The following COMMD10 variants were observed in gnomAD, a reference collection of about 807,000 sequenced individuals.
COMMD10 encodes the protein COMM domain containing 10, also known as COMM domain-containing protein 10.
In COMMD10, 33 loss-of-function variants were observed where a neutral mutation model predicts 28.9. The observed-to-expected ratio is 1.14, with a 90% CI of 0.87 to 1.53. The LOEUF (loss-of-function observed/expected upper bound fraction) is 1.53. COMMD10 is among the 40% of genes most tolerant of loss of function. COMMD10 has a pLI of 0.00. For synonymous variants in COMMD10, 110 were observed against 81.7 expected (o/e 1.35, Z -1.87); for missense variants, 310 against 233.4 (o/e 1.33, Z -2.14).
chr5:116,135,795 C>T (rs1373809117), intron 5 of COMMD10, among the ~76,000 whole-genome samples: 1 of 152,118 alleles, frequency 6.6e-6, no homozygotes, highest in Non-Finnish European at 1.5e-5. Flanking sequence ...TGGTTTCAGG[C>T]CTCCACTGGG....
chr5:116,272,995 A>G (rs540356456), intron 5 of COMMD10, among the ~76,000 whole-genome samples: 1 of 151,678 alleles, frequency 6.6e-6, no homozygotes, highest in Non-Finnish European at 1.5e-5. Flanking sequence ...GAAACTGCTC[A>G]TTTCTTTTGG....
intron 5 of COMMD10, among the ~76,000 whole-genome samples, chr5:116,250,742 G>A (rs567453716): frequency 4.0e-4 from 61 of 152,046 alleles, no homozygotes; most frequent in African/African-American, 1.4e-3. Context: ...ACCTTGGAGA[G>A]TCTCTCTTCT....
At chr5:116,258,505 G>A (rs1382668034) in intron 5 of COMMD10, among the ~76,000 whole-genome samples, 2 of 151,186 alleles carry the variant, frequency 1.3e-5, no homozygotes, top group East Asian at 3.9e-4. Flanking sequence ...TGTATCTGAA[G>A]GTATTAAACT....
At chr5:116,266,795 C>T (rs981098849) in intron 5 of COMMD10, among the ~76,000 whole-genome samples, 7 of 151,688 alleles carry the variant, frequency 4.6e-5, no homozygotes, top group Non-Finnish European at 8.8e-5. Flanking sequence ...GTTCAACATA[C>T]GCAAATCAAT....
chr5:116,150,519 C>A (rs1366304752), intron 5 of COMMD10, among the ~76,000 whole-genome samples: 1 of 148,336 alleles, frequency 6.7e-6, no homozygotes, highest in Non-Finnish European at 1.5e-5. Context: ...TGTTTGTATC[C>A]TCTTTTATTT....
At chr5:116,268,324 T>A (rs250325) in intron 5 of COMMD10, among the ~76,000 whole-genome samples, 1 of 151,790 alleles carries the variant, frequency 6.6e-6, no homozygotes, top group Non-Finnish European at 1.5e-5. Context: ...AGAAGACATT[T>A]ATGCAGCCAA....
intron 5 of COMMD10, among the ~76,000 whole-genome samples, chr5:116,208,475 A>T (rs1417658606): frequency 1.3e-5 from 2 of 152,120 alleles, no homozygotes. Context: ...CCCTCCTTGT[A>T]CATGTTGCTA....
chr5:116,228,037 A>C (rs1749441065), intron 5 of COMMD10, among the ~76,000 whole-genome samples: 3 of 152,014 alleles, frequency 2.0e-5, no homozygotes, highest in Admixed American at 2.0e-4. Context: ...TTTTATAGGA[A>C]ACAGGATTAT....
chr5:116,173,173 A>G (rs1753394400), intron 5 of COMMD10, among the ~76,000 whole-genome samples: 1 of 152,110 alleles, frequency 6.6e-6, no homozygotes, highest in Non-Finnish European at 1.5e-5. Flanking sequence ...TTTCATATTT[A>G]TTCCATTTTT....
intron 5 of COMMD10, among the ~76,000 whole-genome samples, chr5:116,272,714 T>A (rs1416216900): frequency 6.6e-6 from 1 of 151,840 alleles, no homozygotes; most frequent in Non-Finnish European, 1.5e-5. Context: ...CATTGAAAGC[T>A]CTGTTCTTGT....
intron 5 of COMMD10, among the ~76,000 whole-genome samples, chr5:116,216,448 C>G (rs1037633122): frequency 2.0e-5 from 3 of 152,124 alleles, no homozygotes; most frequent in South Asian, 4.1e-4. Flanking sequence ...TTGTACAAGT[C>G]CCATATTTTC....
At chr5:116,164,175 G>C (rs897981762) in intron 5 of COMMD10, among the ~76,000 whole-genome samples, 1 of 152,118 alleles carries the variant, frequency 6.6e-6, no homozygotes, top group African/African-American at 2.4e-5. Context: ...AAGAAAATTA[G>C]CTGGGTATGG....
intron 4 of COMMD10, among the ~76,000 whole-genome samples, chr5:116,101,571 C>G (rs1019474893): frequency 1.3e-4 from 19 of 151,980 alleles, no homozygotes; most frequent in African/African-American, 4.1e-4. Flanking sequence ...GGATTACAGG[C>G]GCACACCACC....
At chr5:116,174,357 A>G (rs1292692590) in intron 5 of COMMD10, among the ~76,000 whole-genome samples, 2 of 152,106 alleles carry the variant, frequency 1.3e-5, no homozygotes, top group African/African-American at 2.4e-5. Context: ...ATGGGAGGAC[A>G]TGGAATTCTG....
At chr5:116,168,105 C>T (rs1041859229) in intron 5 of COMMD10, among the ~76,000 whole-genome samples, 5 of 118,428 alleles carry the variant, frequency 4.2e-5, no homozygotes, top group Middle Eastern at 9.9e-3. Flanking sequence ...TGCAAAGACA[C>T]ACATAGGCTC....
chr5:116,181,556 C>T (rs914630454), intron 5 of COMMD10, among the ~76,000 whole-genome samples: 3 of 151,110 alleles, frequency 2.0e-5, no homozygotes. Context: ...TCATAAAAAT[C>T]CACATAAAGA....
intron 5 of COMMD10, among the ~76,000 whole-genome samples, chr5:116,200,201 G>A (rs1435888396): frequency 6.6e-6 from 1 of 151,922 alleles, no homozygotes; most frequent in Non-Finnish European, 1.5e-5. Context: ...TCAAACAGTA[G>A]GTCTTATTCG....
At chr5:116,118,437 A>T (rs1244725683) in intron 4 of COMMD10, among the ~76,000 whole-genome samples, 1 of 146,672 alleles carries the variant, frequency 6.8e-6, no homozygotes, top group African/African-American at 2.4e-5. Flanking sequence ...GAATGAATGC[A>T]TGTGCAATAT....
chr5:116,258,518 C>T (rs1319021333), intron 5 of COMMD10, among the ~76,000 whole-genome samples: 3 of 151,420 alleles, frequency 2.0e-5, no homozygotes, highest in South Asian at 2.1e-4. Context: ...ATTAAACTAG[C>T]CTGTTTTTGC....
Sources: gnomAD v4.1 joint callset for allele counts (sites outside exome capture counted in the v4.1 genomes callset) on GRCh38, gnomAD v4.1.1 for gene constraint, MANE v1.5 for transcripts, NCBI Gene and HGNC (gene_info 2026-07-23, HGNC 2026-07-21) for gene names.